The following ATP2C2 variants were observed in gnomAD, a reference collection of about 807,000 sequenced individuals.
ATP2C2 encodes calcium-transporting ATPase type 2C member 2.
In ATP2C2, 171 loss-of-function variants were observed where a neutral mutation model predicts 110.8. The ratio of observed to expected loss-of-function variants is 1.54; its 90% confidence interval spans 1.36 to 1.75. The LOEUF is 1.75. Among genes scored for constraint, ATP2C2 ranks in the 40% most tolerant of loss-of-function variants. The probability of loss-of-function intolerance (pLI) is 0.00; values close to 1 mark genes in which losing one functional copy is unlikely to be tolerated. For missense variants in ATP2C2, 1,963 were observed against 1,235.0 expected (o/e 1.59, Z -8.84); for synonymous variants, 804 against 508.4 (o/e 1.58, Z -7.82).
At chr16:84,384,214 G>A (rs1248166842) in intron 1 of ATP2C2, among the ~76,000 whole-genome samples, 1 of 152,200 alleles carries the variant, frequency 6.6e-6, no homozygotes, top group African/African-American at 2.4e-5. Context: ...ACAGGGAAAG[G>A]ATGTGGCTCT....
intron 6 of ATP2C2, among the ~76,000 whole-genome samples, chr16:84,411,847 G>T (rs1041058745): frequency 1.3e-5 from 2 of 152,220 alleles, no homozygotes; most frequent in South Asian, 2.1e-4. Flanking sequence ...ATCTGCGGGG[G>T]CCCTTCTAGG....
In ATP2C2 at chr16:84,403,985, C is replaced by A. The variant is rs187956582; in HGVS notation, c.211-1143C>A. Among the ~76,000 whole-genome samples the A allele has an allele frequency of 4.5e-3, 682 of 152,306 alleles. 2 individuals are homozygous for A. Among genetic ancestry groups the A allele is most frequent in the South Asian group, 0.013 (65 of 4,824 alleles). ...GGATTACAAGCCTGAGCCACCAAGC[C>A]CTACCAGTTTATTATAAAGGCAAAG... On this transcript the variant is annotated intron_variant, in intron 2 of 26. Transcript: ENST00000262429.
At position 84,398,682 on chromosome 16, in the gene ATP2C2, T is replaced by C. The variant is rs7196640; in HGVS notation, c.210+73T>C. 1.1e-4 allele frequency: 127 copies of C among 1,189,840 alleles called. No homozygotes were observed. The African/African-American group carries it at 1.7e-3, about 16-fold the overall frequency. The allele number at this position is 1,189,840 out of a possible 1,614,324, so 73.7% of individuals were successfully genotyped here. A position where few individuals can be genotyped will look rare whatever the true frequency, so the allele number is the denominator to read the frequency against. ...TTTAAAAGAAAGCAACACAAAGCCC[T>C]GAACAGTGCTTTGAAATTCTGTGTT... On this transcript the variant is annotated intron_variant, in intron 2 of 26. Coordinates refer to ENST00000262429, the MANE Select transcript of ATP2C2 (RefSeq NM_014861.4).
rs1309125915 is a variant in ATP2C2 at position 84,439,287 on chromosome 16, T to C, written c.1108T>C (p.Leu370=). ...GAAGAAGTTACCCATCGTGGAGACT[T>C]TAGGTGAGGGACTCCAGCTGGTGGA... ...IVKKLPIVET[L]GCCSVLCSDK... is the part of the protein sequence containing the mutation. The change falls in exon 12 of 27, where the codon TTA becomes CTA. Residue 370 remains leucine (L), a synonymous_variant. Coordinates refer to ENST00000262429, the MANE Select transcript of ATP2C2 (RefSeq NM_014861.4). 1.2e-6 allele frequency: 2 copies of C among 1,612,992 alleles called. No homozygotes were observed. Among genetic ancestry groups the C allele is most frequent in the East Asian group, 2.2e-5 (1 of 44,874 alleles).
intron 1 of ATP2C2, among the ~76,000 whole-genome samples, chr16:84,382,114 T>G (rs1263529465): frequency 1.3e-5 from 2 of 152,174 alleles, no homozygotes; most frequent in African/African-American, 4.8e-5. Context: ...TAGTTATTTC[T>G]CCTAATGCTA....
chr16:84,429,448 C>CA (rs1181233845), intron 11 of ATP2C2, among the ~76,000 whole-genome samples: 1 of 152,150 alleles, frequency 6.6e-6, no homozygotes, highest in Non-Finnish European at 1.5e-5. Context: ...CCAGTGCTTC[C>CA]AGCCTTCGTG....
Position 84,387,069 on chromosome 16 carries a change from A to T in ATP2C2, c.100-11430A>T, listed in dbSNP as rs566483226. On this transcript the variant is annotated intron_variant, in intron 1 of 26. Transcript: ENST00000262429. Reference sequence around the variant, plus strand: ...GTTGGGGGTGCAGATCTGAGGGAAAAACTGTTTGGCAGTGACGACTATCAC... The same window carrying T: ...GTTGGGGGTGCAGATCTGAGGGAAATACTGTTTGGCAGTGACGACTATCAC... Among the ~76,000 whole-genome samples, 5 of 152,078 alleles carry T rather than the reference A, an allele frequency of 3.3e-5. 1 individual carries two copies. The East Asian group carries it at 9.7e-4, about 29-fold the overall frequency.
chr16:84,401,384 C>A (rs762537431), intron 2 of ATP2C2, among the ~76,000 whole-genome samples: 1 of 152,078 alleles, frequency 6.6e-6, no homozygotes, highest in African/African-American at 2.4e-5. Flanking sequence ...ACAACCACAT[C>A]CAGCTAATTT....
At chr16:84,403,807 C>T (rs917220301) in intron 2 of ATP2C2, among the ~76,000 whole-genome samples, 17 of 152,184 alleles carry the variant, frequency 1.1e-4, no homozygotes, top group African/African-American at 4.1e-4. Context: ...TCTCCTGCCT[C>T]AGCCTCCTGA....
In ATP2C2 at chr16:84,416,499, T is replaced by G. The variant is rs62050869; in HGVS notation, c.624+908T>G. Among the ~76,000 whole-genome samples the G allele has an allele frequency of 7.7e-3, 1,175 of 152,244 alleles. 23 individuals are homozygous for G. Among genetic ancestry groups the G allele is most frequent in the African/African-American group, 0.027 (1,103 of 41,542 alleles). ...AAGAGGGCAGCATCAGGGAAGCGGA[T>G]GGAGAAGAGCACAAAGGGTTGGAAG... On this transcript the variant is annotated intron_variant, in intron 7 of 26. Transcript: ENST00000262429.
At chr16:84,429,353 A>G (rs1034882826) in intron 11 of ATP2C2, among the ~76,000 whole-genome samples, 1 of 151,890 alleles carries the variant, frequency 6.6e-6, no homozygotes, top group African/African-American at 2.4e-5. Context: ...GGATTTCACC[A>G]TGTTGGCTAG....
chr16:84,425,742 C>A lies in ATP2C2; in HGVS notation c.927C>A (p.Ile309=), dbSNP rs747441757. The change falls in exon 11 of 27, where the codon ATC becomes ATA. Residue 309 remains isoleucine, a synonymous_variant. Coordinates refer to ENST00000262429, the MANE Select transcript of ATP2C2 (RefSeq NM_014861.4). ...TLFSFGIIGL[I]MLIGWSQGKQ... ...TTTTTGTCTCTTCCCCAGGTCTCAT[C>A]ATGCTCATTGGCTGGTCGCAAGGGA... 6.2e-7 allele frequency: 1 copy of A among 1,614,142 alleles called. No homozygotes were observed. The highest frequency in any genetic ancestry group is 8.5e-7 in the Non-Finnish European group (1 of 1,180,012).
Position 84,453,253 on chromosome 16 carries a change from T to C in ATP2C2, c.1929+18T>C, listed in dbSNP as rs768301131. 1.2e-6 allele frequency: 2 copies of C among 1,613,934 alleles called. No homozygotes were observed. Among genetic ancestry groups the C allele is most frequent in the South Asian group, 2.2e-5 (2 of 91,074 alleles). On this transcript the variant is annotated intron_variant, in intron 19 of 26. Transcript: ENST00000262429. ...TGGGGAAGGTGGGTCCCCGGAGGCT[T>C]GGCTGGCAGTGGGGCTGGGTCACAG...
chr16:84,385,377 C>T lies in ATP2C2; in HGVS notation c.100-13122C>T, dbSNP rs1024169401. ...TCCTTCCCCATGATGCAGTCACCTCCCACCAGGCCCACCTCCAACATTAGA... is the reference window on the plus strand; with the variant it reads ...TCCTTCCCCATGATGCAGTCACCTCTCACCAGGCCCACCTCCAACATTAGA... On this transcript the variant is annotated intron_variant, in intron 1 of 26. Coordinates refer to ENST00000262429, the MANE Select transcript of ATP2C2 (RefSeq NM_014861.4). Among the ~76,000 whole-genome samples the T allele has an allele frequency of 7.2e-5, 11 of 152,270 alleles. 1 individual carries two copies. In the East Asian group the frequency reaches 2.1e-3, roughly 29 times the overall value.
In ATP2C2 at chr16:84,447,901, T is replaced by G. The variant is rs1213066351; in HGVS notation, c.1504-632T>G. On this transcript the variant is annotated intron_variant, in intron 16 of 26. Transcript: ENST00000262429. ...ATTACATATTAATAACATATATAAT[T>G]AATATTATATTATCTTATAACAGTG... Among the ~76,000 whole-genome samples, 4 of 57,658 alleles carry G rather than the reference T, an allele frequency of 6.9e-5. No homozygotes were observed. The East Asian group carries it at 2.1e-3, about 30-fold the overall frequency. The allele number at this position is 57,658 out of a possible 152,430, so 37.8% of individuals were successfully genotyped here.
intron 24 of ATP2C2, chr16:84,461,452 C>A: frequency 1.7e-6 from 1 of 577,358 alleles, no homozygotes; most frequent in Non-Finnish European, 3.1e-6. Flanking sequence ...GAGACAGTTA[C>A]TTCCTGGAGG....
At chr16:84,446,459 T>A (rs1260762370) in intron 16 of ATP2C2, 29 bp downstream of exon 16, 1 of 1,509,482 alleles carries the variant, frequency 6.6e-7, no homozygotes, top group African/African-American at 1.4e-5. Context: ...CAACCTCTTC[T>A]CTCTTTCTGC....
intron 1 of ATP2C2, among the ~76,000 whole-genome samples, chr16:84,378,278 G>A (rs1344591564): frequency 6.6e-6 from 1 of 152,082 alleles, no homozygotes; most frequent in Non-Finnish European, 1.5e-5. Flanking sequence ...GGTCTGAGTG[G>A]CCACTCTTAA....
At chr16:84,372,550 G>A (rs559435594) in intron 1 of ATP2C2, among the ~76,000 whole-genome samples, 9 of 151,882 alleles carry the variant, frequency 5.9e-5, no homozygotes, top group Admixed American at 2.0e-4. Context: ...TCAGCTTCCC[G>A]AGTAGCTGGG....
Sources: allele counts gnomAD v4.1 joint callset (sites outside exome capture counted in the v4.1 genomes callset), GRCh38; gene constraint gnomAD v4.1.1; transcripts MANE v1.5; gene names NCBI Gene and HGNC (gene_info 2026-07-23, HGNC 2026-07-21).